Variants in CTNNA2 observed in about 807,000 individuals in gnomAD.
CTNNA2 encodes catenin alpha 2.
Under a neutral mutation model 101.0 loss-of-function variants are expected in CTNNA2, and 42 were observed. The observed-to-expected ratio is 0.42, with a 90% confidence interval of 0.32 to 0.54. The LOEUF is 0.54. Ranked by LOEUF, CTNNA2 falls within the 20% of genes least tolerant of loss-of-function variation. CTNNA2 has a pLI of 0.14. For synonymous variants in CTNNA2, 450 were observed against 456.4 expected, an observed-to-expected ratio of 0.99 and a Z score of 0.18; for missense variants, 871 against 1,223.1, an observed-to-expected ratio of 0.71 and a Z score of 4.29.
intron 9 of CTNNA2, among the ~76,000 whole-genome samples, chr2:80,504,717 C>T (rs780144363): frequency 2.0e-5 from 3 of 152,052 alleles, no homozygotes; most frequent in Non-Finnish European, 2.9e-5. Context: ...TACTTAGCTC[C>T]GGGGATTGTG....
At chr2:79,842,341 C>A (rs1679885790) in intron 3 of CTNNA2, among the ~76,000 whole-genome samples, 1 of 152,168 alleles carries the variant, frequency 6.6e-6, no homozygotes, top group Non-Finnish European at 1.5e-5. Context: ...TCAGTCTCTT[C>A]ATGTACGAAA....
intron 7 of CTNNA2, among the ~76,000 whole-genome samples, chr2:80,248,921 G>A (rs1294384216): frequency 2.0e-5 from 3 of 152,162 alleles, no homozygotes; most frequent in Non-Finnish European, 4.4e-5. Flanking sequence ...TAAGGGAGGT[G>A]AAGGAATATT....
intron 16 of CTNNA2, chr2:80,605,346 A>G (rs1450407010): frequency 6.6e-6 from 1 of 152,014 alleles, no homozygotes; most frequent in Non-Finnish European, 1.5e-5. Context: ...ACCACTTTGG[A>G]TGGATTGTAT....
At chr2:80,514,926 C>T (rs977173547) in intron 9 of CTNNA2, among the ~76,000 whole-genome samples, 1 of 152,052 alleles carries the variant, frequency 6.6e-6, no homozygotes, top group South Asian at 2.1e-4. Context: ...CACTTTGGGC[C>T]GCAGGTTTTA....
At chr2:80,347,869 T>A (rs1489410525) in intron 7 of CTNNA2, among the ~76,000 whole-genome samples, 1 of 151,354 alleles carries the variant, frequency 6.6e-6, no homozygotes, top group Non-Finnish European at 1.5e-5. Flanking sequence ...AAGGGTTGTT[T>A]AAAGCCCTGT....
At chr2:79,519,585 GT>G (rs966598453) in intron 1 of CTNNA2, among the ~76,000 whole-genome samples, 3 of 151,728 alleles carry the variant, frequency 2.0e-5, no homozygotes, top group East Asian at 1.9e-4. Flanking sequence ...TTCTACATGT[GT>G]TTTTTTCTTA....
intron 4 of CTNNA2, among the ~76,000 whole-genome samples, chr2:79,412,181 A>T (rs1162492305): frequency 6.6e-6 from 1 of 152,208 alleles, no homozygotes; most frequent in Non-Finnish European, 1.5e-5. Context: ...GATGAATTCA[A>T]CAAGAAGAGC....
At chr2:80,486,072 G>A (rs1275289878) in intron 9 of CTNNA2, among the ~76,000 whole-genome samples, 1 of 152,052 alleles carries the variant, frequency 6.6e-6, no homozygotes. Context: ...GTGCAATCAA[G>A]AAGCATATTA....
intron 7 of CTNNA2, among the ~76,000 whole-genome samples, chr2:79,948,717 T>C (rs1374783777): frequency 1.3e-5 from 2 of 152,076 alleles, no homozygotes; most frequent in African/African-American, 4.8e-5. Context: ...GCCTGTAATC[T>C]CAGCACTTTG....
intron 4 of CTNNA2, among the ~76,000 whole-genome samples, chr2:79,859,992 C>T (rs1681464675): frequency 6.6e-6 from 1 of 152,128 alleles, no homozygotes; most frequent in Non-Finnish European, 1.5e-5. Context: ...AGTGTCCTGT[C>T]AGTGGCAGCT....
intron 2 of CTNNA2, among the ~76,000 whole-genome samples, chr2:79,201,533 G>A (rs1050522745): frequency 9.2e-5 from 14 of 152,082 alleles, no homozygotes; most frequent in Admixed American, 6.5e-5. Flanking sequence ...TGCCTTCCTT[G>A]TTGGAAGGAA....
chr2:79,548,808 G>A (rs1339625813), intron 1 of CTNNA2, among the ~76,000 whole-genome samples: 1 of 152,132 alleles, frequency 6.6e-6, no homozygotes, highest in African/African-American at 2.4e-5. Flanking sequence ...CAGCTGGCCT[G>A]GCCTGCCCCA....
At chr2:79,195,826 A>G in intron 1 of CTNNA2, 1 of 515,156 alleles carries the variant, frequency 1.9e-6, no homozygotes, top group Non-Finnish European at 3.9e-6. Context: ...GAGCTGAATC[A>G]ATACATATCA....
At chr2:79,764,030 C>T (rs185444081) in intron 3 of CTNNA2, among the ~76,000 whole-genome samples, 77 of 152,304 alleles carry the variant, frequency 5.1e-4, no homozygotes, top group African/African-American at 1.8e-3. Context: ...TGGTCAAGGA[C>T]AAAGTCCCTC....
intron 7 of CTNNA2, among the ~76,000 whole-genome samples, chr2:80,133,898 T>C (rs990975664): frequency 1.3e-5 from 2 of 152,152 alleles, no homozygotes; most frequent in Non-Finnish European, 2.9e-5. Flanking sequence ...ATTGTGATAG[T>C]TGAGAAAGTT....
At chr2:80,462,601 C>G (rs1684518094) in intron 9 of CTNNA2, among the ~76,000 whole-genome samples, 1 of 137,132 alleles carries the variant, frequency 7.3e-6, no homozygotes, top group Admixed American at 7.2e-5. Context: ...TCTCATTTTT[C>G]TCTCCCTTCC....
chr2:80,240,474 C>T (rs939925622), intron 7 of CTNNA2, among the ~76,000 whole-genome samples: 3 of 152,216 alleles, frequency 2.0e-5, no homozygotes, highest in Non-Finnish European at 4.4e-5. Flanking sequence ...CCCACTCCTT[C>T]TCACCAGATT....
chr2:80,608,121 A>G, intron 16 of CTNNA2, 63 bp from the exon 17 acceptor site: 4 of 1,494,938 alleles, frequency 2.7e-6, no homozygotes, highest in Admixed American at 3.6e-5. Flanking sequence ...CAGCTTTTCT[A>G]TAACAAATGT....
intron 4 of CTNNA2, among the ~76,000 whole-genome samples, chr2:79,865,202 A>T (rs1367259433): frequency 6.6e-6 from 1 of 152,190 alleles, no homozygotes; most frequent in Non-Finnish European, 1.5e-5. Context: ...AAGGAAAGAC[A>T]CAATTTAATC....
Sources: gnomAD v4.1 joint callset for allele counts (sites outside exome capture counted in the v4.1 genomes callset) on GRCh38, gnomAD v4.1.1 for gene constraint, MANE v1.5 for transcripts, NCBI Gene and HGNC (gene_info 2026-07-23, HGNC 2026-07-21) for gene names.